Variants in P2RY8 observed in about 807,000 individuals in gnomAD.
The protein encoded by P2RY8 is S-geranylgeranyl-glutathione receptor P2RY8.
P2RY8 carries 6 observed loss-of-function variants against 10.0 expected under a neutral mutation model. The ratio of observed to expected loss-of-function variants is 0.60; its 90% CI spans 0.33 to 1.19. The LOEUF is 1.19. Ranked by LOEUF, P2RY8 falls within the 50% of genes most tolerant of loss-of-function variation. The probability of loss-of-function intolerance (pLI) is 0.04; values close to 1 mark genes in which losing one functional copy is unlikely to be tolerated. For missense variants in P2RY8, 456 were observed against 542.0 expected (o/e 0.84, Z 1.58); for synonymous variants, 276 against 252.5 (o/e 1.09, Z -0.88).
rs769463748 is a variant in P2RY8, at chrX:1,535,689, A to G, written c.-25+1232T>C. 4.7e-4 allele frequency among the ~76,000 whole-genome samples: 61 copies of G among 131,118 alleles called. 1 individual carries two copies. Among genetic ancestry groups the G allele is most frequent in the African/African-American group, 1.8e-3 (60 of 33,384 alleles). 86.0% of individuals were successfully genotyped at this position (131,118 alleles called of 152,430 possible). On this transcript the variant is annotated intron_variant, in intron 1 of 1. Coordinates refer to ENST00000381297, the MANE Select transcript of P2RY8 (RefSeq NM_178129.5). The stretch of plus-strand genomic sequence containing the variant: ...CGTAAAGATAACAACATGGGAAGAA[A>G]CAACCACACACACACACACACACAC...
At chrX:1,526,886 ATTTCTTTTCT>A (rs1166495756) in intron 1 of P2RY8, among the ~76,000 whole-genome samples, 1 of 151,710 alleles carries the variant, frequency 6.6e-6, no homozygotes, top group Non-Finnish European at 1.5e-5. Flanking sequence ...CTATTCATTC[ATTTCTTTTCT>A]TTTCTTTTCT....
intron 1 of P2RY8, among the ~76,000 whole-genome samples, chrX:1,484,726 A>T (rs1189014776): frequency 1.1e-3 from 145 of 130,842 alleles, no homozygotes; most frequent in African/African-American, 3.7e-3. Flanking sequence ...AAACCCTGTA[A>T]AAAAAAAAAA....
intron 1 of P2RY8, among the ~76,000 whole-genome samples, chrX:1,500,598 C>A (rs1569537709): frequency 6.8e-6 from 1 of 147,326 alleles, no homozygotes; most frequent in Non-Finnish European, 1.5e-5. Context: ...GTACACGCCA[C>A]CACACCCAGC....
In P2RY8 at chrX:1,463,755, C is replaced by A. The variant is rs1261027363; in HGVS notation, c.*1724G>T. 1 of 233,058 alleles carries A rather than the reference C, an allele frequency of 4.3e-6. No homozygotes were observed. Among genetic ancestry groups the A allele is most frequent in the Non-Finnish European group, 8.5e-6 (1 of 118,068 alleles). 14.4% of individuals were successfully genotyped at this position (233,058 alleles called of 1,614,324 possible). A position where few individuals can be genotyped will look rare whatever the true frequency, so the allele number is the denominator to read the frequency against. ...TGCCTCTCCCAGCTCCTGGGGACTC[C>A]AGGCATCCCTGGGCTTGGGGCAGCA... is the stretch of plus-strand genomic sequence containing the variant. On this transcript the variant is annotated 3_prime_UTR_variant, in exon 2 of 2. Coordinates refer to ENST00000381297, the MANE Select transcript of P2RY8 (RefSeq NM_178129.5).
At chrX:1,527,175 G>A (rs754190039) in intron 1 of P2RY8, among the ~76,000 whole-genome samples, 1 of 152,210 alleles carries the variant, frequency 6.6e-6, no homozygotes, top group South Asian at 2.1e-4. Context: ...GATTACAGGC[G>A]TGAGCCACCG....
In P2RY8 at chrX:1,463,178, T is replaced by C. The variant is rs1569536041; in HGVS notation, c.*2301A>G. On this transcript the variant is annotated 3_prime_UTR_variant, in exon 2 of 2. Transcript: ENST00000381297. ...CTCTGAGGTTTTTCACAGTTTTTTT[T>C]CCCCCATGAGACACACCCAAGGCCC... 1 of 232,900 alleles carries C rather than the reference T, an allele frequency of 4.3e-6. No homozygotes were observed. The highest frequency in any genetic ancestry group is 8.5e-6 in the Non-Finnish European group (1 of 118,010). The allele number at this position is 232,900 out of a possible 1,614,324, so 14.4% of individuals were successfully genotyped here.
chrX:1,505,561 G>A (rs1190806831), intron 1 of P2RY8, among the ~76,000 whole-genome samples: 6 of 152,114 alleles, frequency 3.9e-5, no homozygotes, highest in South Asian at 2.1e-4. Flanking sequence ...AGGCCGAGGC[G>A]GGTCGATCAC....
intron 1 of P2RY8, among the ~76,000 whole-genome samples, chrX:1,529,697 A>C (rs1206347122): frequency 6.6e-6 from 1 of 152,058 alleles, no homozygotes; most frequent in East Asian, 1.9e-4. Flanking sequence ...TCTATCATTT[A>C]TCAATTTATC....
intron 1 of P2RY8, among the ~76,000 whole-genome samples, chrX:1,476,903 C>T (rs1266077413): frequency 2.6e-5 from 4 of 151,962 alleles, no homozygotes; most frequent in African/African-American, 7.3e-5. Flanking sequence ...AGAACTTCAC[C>T]GTCAGCCTGG....
intron 1 of P2RY8, among the ~76,000 whole-genome samples, chrX:1,493,448 A>AGGAGGAG (rs2092084967): frequency 1.3e-5 from 1 of 77,026 alleles, no homozygotes. Context: ...AGGAGGAGGA[A>AGGAGGAG]GGAGGAAGGA....
intron 1 of P2RY8, among the ~76,000 whole-genome samples, chrX:1,487,700 G>T (rs1569537113): frequency 6.6e-6 from 1 of 152,216 alleles, no homozygotes. Context: ...AAGGAGAAGA[G>T]ACCTGAAGTG....
intron 1 of P2RY8, among the ~76,000 whole-genome samples, chrX:1,472,266 C>T (rs1347100260): frequency 9.3e-6 from 1 of 107,290 alleles, no homozygotes; most frequent in East Asian, 2.4e-4. Context: ...TCACTGGCGT[C>T]CTTAGGAGAA....
At chrX:1,516,863 C>A (rs1300181977) in intron 1 of P2RY8, among the ~76,000 whole-genome samples, 4 of 151,482 alleles carry the variant, frequency 2.6e-5, no homozygotes, top group African/African-American at 7.3e-5. Context: ...GAGGAACCAG[C>A]CCTGCCCGTT....
In P2RY8 at chrX:1,464,470, G is replaced by C. The variant is rs765230647; in HGVS notation, c.*1009C>G. The C allele has an allele frequency of 4.3e-6, 1 of 233,410 alleles. No individual in the cohort carries two copies. Among genetic ancestry groups the C allele is most frequent in the East Asian group, 6.0e-5 (1 of 16,586 alleles). The allele number at this position is 233,410 out of a possible 1,614,324, so 14.5% of individuals were successfully genotyped here. Reference sequence around the variant, plus strand: ...GGTCAGGCCAGTTGCCTGCTTCCTGGACTCCAGATGGACTTGCCATGGCTG... The same window carrying C: ...GGTCAGGCCAGTTGCCTGCTTCCTGCACTCCAGATGGACTTGCCATGGCTG... On this transcript the variant is annotated 3_prime_UTR_variant, in exon 2 of 2. Coordinates refer to ENST00000381297, the MANE Select transcript of P2RY8 (RefSeq NM_178129.5).
chrX:1,527,933 A>G (rs373934595), intron 1 of P2RY8, among the ~76,000 whole-genome samples: 1 of 152,164 alleles, frequency 6.6e-6, no homozygotes, highest in Non-Finnish European at 1.5e-5. Flanking sequence ...CACAGCCCCT[A>G]CAGGGACCCT....
At chrX:1,522,372 T>C (rs750770082) in intron 1 of P2RY8, among the ~76,000 whole-genome samples, 2 of 152,314 alleles carry the variant, frequency 1.3e-5, no homozygotes, top group African/African-American at 4.8e-5. Context: ...AATACCTCGA[T>C]GTAGTTTCAG....
At chrX:1,529,791 C>G (rs772738954) in intron 1 of P2RY8, among the ~76,000 whole-genome samples, 14 of 152,092 alleles carry the variant, frequency 9.2e-5, no homozygotes, top group Non-Finnish European at 1.8e-4. Context: ...ACCTTTCTAG[C>G]ATTTATCTCT....
intron 1 of P2RY8, among the ~76,000 whole-genome samples, chrX:1,509,884 A>C (rs145342249): frequency 0.092 from 13,893 of 150,206 alleles, 799 homozygotes; most frequent in Non-Finnish European, 0.13. Context: ...TATCCATTCT[A>C]TCTATCTATG....
chrX:1,468,699 C>A (rs192210803), intron 1 of P2RY8, among the ~76,000 whole-genome samples: 1 of 150,386 alleles, frequency 6.6e-6, no homozygotes, highest in African/African-American at 2.5e-5. Context: ...CACAGGTGGG[C>A]GCTCAGGGGC....
Sources: gnomAD v4.1 joint callset for allele counts (sites outside exome capture counted in the v4.1 genomes callset) on GRCh38, gnomAD v4.1.1 for gene constraint, MANE v1.5 for transcripts, NCBI Gene and HGNC (gene_info 2026-07-23, HGNC 2026-07-21) for gene names.